Variants in VWC2 observed in about 807,000 individuals in gnomAD.
The protein encoded by VWC2 is brorin.
A neutral mutation model predicts 29.8 loss-of-function variants in VWC2; 14 were observed. That is an observed-to-expected ratio of 0.47 (90% CI 0.31 to 0.74). The LOEUF (loss-of-function observed/expected upper bound fraction) is 0.74. Among genes scored for constraint, VWC2 ranks in the 30% least tolerant of loss-of-function variants. The probability of loss-of-function intolerance (pLI) is 0.05; values close to 1 mark genes in which losing one functional copy is unlikely to be tolerated. For synonymous variants in VWC2, 213 were observed against 199.0 expected (o/e 1.07, Z -0.59); for missense variants, 457 against 459.8 (o/e 0.99, Z 0.05).
chr7:49,813,438 GCTT>G (rs1166265343), intron 3 of VWC2, among the ~76,000 whole-genome samples: 1 of 152,234 alleles, frequency 6.6e-6, no homozygotes, highest in Non-Finnish European at 1.5e-5. Context: ...AACACTGTGT[GCTT>G]CTGTTGCTGC....
intron 1 of VWC2, among the ~76,000 whole-genome samples, 183 bp downstream of exon 1, chr7:49,774,296 C>G (rs1190643592): frequency 6.6e-6 from 1 of 152,096 alleles, no homozygotes; most frequent in East Asian, 1.9e-4. Flanking sequence ...GGCAGGGGGT[C>G]AGCAGGGCCG....
chr7:49,825,693 C>T (rs1381542603), intron 3 of VWC2, among the ~76,000 whole-genome samples: 1 of 152,216 alleles, frequency 6.6e-6, no homozygotes, highest in Non-Finnish European at 1.5e-5. Context: ...CTAATCCCAG[C>T]TGTAAGGCTT....
chr7:49,917,446 G>A lies in VWC2; in HGVS notation c.*5261G>A, dbSNP rs1245940501. 5 of 152,144 alleles carry A rather than the reference G, an allele frequency of 3.3e-5. No homozygotes were observed. Among genetic ancestry groups the A allele is most frequent in the Non-Finnish European group, 7.4e-5 (5 of 68,008 alleles). The allele number at this position is 152,144 out of a possible 1,614,324, so 9.4% of individuals were successfully genotyped here. A position where few individuals can be genotyped will look rare whatever the true frequency, so the allele number is the denominator to read the frequency against. ...TGTGCTCTCAGTGCTTGGCCCATGA[G>A]CAGTTTATGATTTAAGACGTGCATA... On this transcript the variant is annotated 3_prime_UTR_variant, in exon 4 of 4. Transcript: ENST00000340652.
rs898300209 is a variant in VWC2, at chr7:49,787,517, G to A, written c.696+11386G>A. Among the ~76,000 whole-genome samples the A allele has an allele frequency of 2.0e-5, 3 of 152,190 alleles. 1 individual carries two copies. The highest frequency in any genetic ancestry group is 7.2e-5 in the African/African-American group (3 of 41,452). Reference sequence around the variant, plus strand: ...GCATTGTTGACAACTATGCTCTGGGGACATGGAGGGAAACAAGCCCCACCC... The same window carrying A: ...GCATTGTTGACAACTATGCTCTGGGAACATGGAGGGAAACAAGCCCCACCC... On this transcript the variant is annotated intron_variant, in intron 2 of 3. Transcript: ENST00000340652.
chr7:49,832,355 G>T (rs1298324945), intron 3 of VWC2, among the ~76,000 whole-genome samples: 1 of 151,994 alleles, frequency 6.6e-6, no homozygotes, highest in East Asian at 1.9e-4. Flanking sequence ...CTGAGAAACA[G>T]AATTTGCTGA....
intron 3 of VWC2, among the ~76,000 whole-genome samples, chr7:49,901,592 T>C (rs1454901258): frequency 1.3e-5 from 2 of 151,750 alleles, no homozygotes; most frequent in East Asian, 1.9e-4. Flanking sequence ...AGTTCATGGA[T>C]AGAAAGACTC....
In VWC2 at chr7:49,912,068, T is replaced by C. The variant is rs1344080002; in HGVS notation, c.861T>C (p.Pro287=). The change falls in exon 4 of 4, where the codon CCT becomes CCC. Residue 287 remains proline (P), a synonymous_variant. Coordinates refer to ENST00000340652, the MANE Select transcript of VWC2 (RefSeq NM_198570.5). ...GCTTTGCAGAAACCGCGGTGATCCC[T>C]GCTGGCAGAGAAGTGAAGACTGACG... ...PNCFAETAVI[P]AGREVKTDEC... is the part of the protein sequence containing the mutation. The C allele has an allele frequency of 2.5e-6, 4 of 1,613,936 alleles. No individual in the cohort carries two copies. Among genetic ancestry groups the C allele is most frequent in the Non-Finnish European group, 2.5e-6 (3 of 1,179,972 alleles).
chr7:49,836,566 G>C (rs149671564), intron 3 of VWC2, among the ~76,000 whole-genome samples: 9 of 151,352 alleles, frequency 5.9e-5, no homozygotes, highest in Admixed American at 2.0e-4. Flanking sequence ...TTGAACTCCA[G>C]AGGCGGAGGT....
At chr7:49,776,164 A>G in intron 2 of VWC2, 33 bp downstream of exon 2, 6 of 1,475,864 alleles carry the variant, frequency 4.1e-6, no homozygotes, top group Non-Finnish European at 4.5e-6. Context: ...GCGACTTTGC[A>G]CCTTCCAGGA....
chr7:49,805,421 T>C (rs937342792), intron 3 of VWC2, among the ~76,000 whole-genome samples: 3 of 152,198 alleles, frequency 2.0e-5, no homozygotes, highest in Admixed American at 6.5e-5. Context: ...TTTTGGGGAG[T>C]ATAACTGGAA....
At chr7:49,859,856 A>C (rs142436482) in intron 3 of VWC2, among the ~76,000 whole-genome samples, 2 of 152,292 alleles carry the variant, frequency 1.3e-5, no homozygotes, top group Non-Finnish European at 2.9e-5. Context: ...TCACAATTGC[A>C]TTGATGTTTA....
At chr7:49,802,989 G>A (rs761413088) in intron 3 of VWC2, 149 bp downstream of exon 3, 2 of 1,015,678 alleles carry the variant, frequency 2.0e-6, no homozygotes, top group Non-Finnish European at 2.8e-6. Context: ...TAATCTTTCA[G>A]CCACAGTGGT....
At chr7:49,861,479 G>A (rs1211322521) in intron 3 of VWC2, among the ~76,000 whole-genome samples, 1 of 152,032 alleles carries the variant, frequency 6.6e-6, no homozygotes, top group Non-Finnish European at 1.5e-5. Flanking sequence ...CATTATGCAG[G>A]TGAGTTTTTA....
intron 3 of VWC2, among the ~76,000 whole-genome samples, chr7:49,824,615 G>A (rs1239262029): frequency 2.6e-5 from 4 of 152,070 alleles, no homozygotes; most frequent in Non-Finnish European, 4.4e-5. Flanking sequence ...GGTTGAGTTT[G>A]CATTTAATTT....
chr7:49,911,918 TACACGCACAC>T, intron 3 of VWC2, 106 bp from the exon 4 acceptor site: 1 of 222,948 alleles, frequency 4.5e-6, no homozygotes, highest in South Asian at 1.5e-4. Flanking sequence ...AACAAACAAA[TACACGCACAC>T]ACACACACAC....
chr7:49,865,842 T>A (rs1790862346), intron 3 of VWC2, among the ~76,000 whole-genome samples: 4 of 152,136 alleles, frequency 2.6e-5, no homozygotes, highest in Admixed American at 2.6e-4. Context: ...GCAACCTCAG[T>A]CTCAAAGTCC....
At chr7:49,874,548 ATGTGTGTG>A (rs3062201) in intron 3 of VWC2, among the ~76,000 whole-genome samples, 5 of 147,644 alleles carry the variant, frequency 3.4e-5, no homozygotes, top group Non-Finnish European at 6.1e-5. Context: ...ATGACTATAT[ATGTGTGTG>A]TGTGTGTGTG....
chr7:49,860,334 T>G (rs1790599407), intron 3 of VWC2, among the ~76,000 whole-genome samples: 1 of 152,250 alleles, frequency 6.6e-6, no homozygotes, highest in East Asian at 1.9e-4. Flanking sequence ...CTATTTCACA[T>G]GAGTAGACTC....
At chr7:49,835,346 T>C (rs866782943) in intron 3 of VWC2, among the ~76,000 whole-genome samples, 1 of 152,226 alleles carries the variant, frequency 6.6e-6, no homozygotes. Flanking sequence ...AGATGAAGTT[T>C]CTTTTCTTTC....
Sources: gnomAD v4.1 joint callset for allele counts (sites outside exome capture counted in the v4.1 genomes callset) on GRCh38, gnomAD v4.1.1 for gene constraint, MANE v1.5 for transcripts, NCBI Gene and HGNC (gene_info 2026-07-23, HGNC 2026-07-21) for gene names.